PDE3A: variants seen among roughly 807,000 people sequenced by gnomAD.
PDE3A encodes the protein phosphodiesterase 3A.
Under a neutral mutation model 98.3 loss-of-function variants are expected in PDE3A, and 43 were observed. That is an observed-to-expected ratio of 0.44 (90% CI 0.34 to 0.56). The LOEUF is 0.56. Among genes scored for constraint, PDE3A ranks in the 20% least tolerant of loss-of-function variants. PDE3A has a pLI of 0.01. For missense variants in PDE3A, 1,427 were observed against 1,440.7 expected (o/e 0.99, Z 0.15); for synonymous variants, 663 against 567.9 (o/e 1.17, Z -2.38).
intron 2 of PDE3A, among the ~76,000 whole-genome samples, chr12:20,589,768 C>A (rs7975835): frequency 0.13 from 20,077 of 150,310 alleles, 1,498 homozygotes; most frequent in East Asian, 0.29. Context: ...ACTCGGGAGG[C>A]TGAGGCAGGA....
At position 20,382,842 on chromosome 12, in the gene PDE3A, A is replaced by T. The variant is rs546378534; in HGVS notation, c.960+12598A>T. Among the ~76,000 whole-genome samples the T allele has an allele frequency of 2.0e-5, 3 of 152,182 alleles. No homozygotes were observed. In the South Asian group the frequency reaches 6.2e-4, roughly 31 times the overall value. ...TATTCTTGCCCATTAGGGCCAGGTCATTGAAGGTTATAATCTAAATTTCAG... is the reference window on the plus strand; with the variant it reads ...TATTCTTGCCCATTAGGGCCAGGTCTTTGAAGGTTATAATCTAAATTTCAG... On this transcript the variant is annotated intron_variant, in intron 1 of 15. Transcript: ENST00000359062.
intron 15 of PDE3A, among the ~76,000 whole-genome samples, chr12:20,678,784 G>C (rs1247134368): frequency 6.6e-6 from 1 of 152,150 alleles, no homozygotes; most frequent in Middle Eastern, 3.2e-3. Context: ...GAGGACTCAG[G>C]CCCGACTTGG....
At chr12:20,448,320 A>G (rs1408965132) in intron 1 of PDE3A, among the ~76,000 whole-genome samples, 1 of 152,140 alleles carries the variant, frequency 6.6e-6, no homozygotes, top group Non-Finnish European at 1.5e-5. Flanking sequence ...GGGCACCTGT[A>G]ATTCCAGCTA....
chr12:20,467,460 A>G (rs1256595634), intron 1 of PDE3A, among the ~76,000 whole-genome samples: 4 of 152,060 alleles, frequency 2.6e-5, no homozygotes, highest in African/African-American at 9.7e-5. Flanking sequence ...ATAAAAATGT[A>G]TTTATTATGC....
chr12:20,510,075 G>T (rs1022744581), intron 1 of PDE3A, among the ~76,000 whole-genome samples: 1 of 151,746 alleles, frequency 6.6e-6, no homozygotes, highest in Non-Finnish European at 1.5e-5. Context: ...TCATTTTATG[G>T]TAGACATTAT....
At chr12:20,477,707 G>C (rs143390932) in intron 1 of PDE3A, among the ~76,000 whole-genome samples, 1 of 152,102 alleles carries the variant, frequency 6.6e-6, no homozygotes, top group Admixed American at 6.6e-5. Context: ...TGTATAAGAC[G>C]AAGAAAACTA....
At chr12:20,551,548 A>G (rs1316697864) in intron 1 of PDE3A, 1 of 1,381,472 alleles carries the variant, frequency 7.2e-7, no homozygotes, top group East Asian at 2.5e-5. Flanking sequence ...TGGCATGCTA[A>G]CTAGTTACGC....
At chr12:20,549,410 A>C (rs1942139653) in intron 1 of PDE3A, among the ~76,000 whole-genome samples, 1 of 151,724 alleles carries the variant, frequency 6.6e-6, no homozygotes, top group African/African-American at 2.4e-5. Context: ...TAAAAAAAAA[A>C]AAAAGAAAAT....
At chr12:20,633,947 G>A (rs762699185) in intron 7 of PDE3A, among the ~76,000 whole-genome samples, 169 bp downstream of exon 7, 24 of 152,104 alleles carry the variant, frequency 1.6e-4, no homozygotes, top group Admixed American at 2.6e-4. Flanking sequence ...TGATCCTCCC[G>A]CCTCAGCCTC....
At chr12:20,604,879 A>C (rs10770675) in intron 2 of PDE3A, among the ~76,000 whole-genome samples, 97,573 of 151,956 alleles carry the variant, frequency 0.64, 32,470 homozygotes, top group South Asian at 0.73. Context: ...CCCATATTTC[A>C]TATTTCATTG....
Position 20,625,095 on chromosome 12 carries a change from G to A in PDE3A, c.1540+3684G>A, listed in dbSNP as rs563119800. On this transcript the variant is annotated intron_variant, in intron 5 of 15. Transcript: ENST00000359062. Reference sequence around the variant, plus strand: ...AGGGCTAATGAAATCTGTTCTTTGCGCAAATCAAGTAAACAGCGTGTCCTC... The same window carrying A: ...AGGGCTAATGAAATCTGTTCTTTGCACAAATCAAGTAAACAGCGTGTCCTC... 3.9e-5 allele frequency among the ~76,000 whole-genome samples: 6 copies of A among 152,218 alleles called. No individual in the cohort carries two copies. The South Asian group carries it at 1.2e-3, about 32-fold the overall frequency.
chr12:20,476,238 G>A (rs1027829281), intron 1 of PDE3A, among the ~76,000 whole-genome samples: 3 of 152,126 alleles, frequency 2.0e-5, no homozygotes, highest in Admixed American at 6.5e-5. Context: ...CTAATGTTAC[G>A]AAGTTATTGA....
At chr12:20,572,506 A>G (rs760598470) in intron 2 of PDE3A, among the ~76,000 whole-genome samples, 76 of 152,220 alleles carry the variant, frequency 5.0e-4, no homozygotes, top group Non-Finnish European at 4.3e-4. Context: ...GTAAAATACT[A>G]AAGTATCATG....
Position 20,369,451 on chromosome 12 carries a change from G to A in PDE3A, c.167G>A (p.Arg56Gln). The A allele has an allele frequency of 1.9e-6, 3 of 1,555,534 alleles. No individual in the cohort carries two copies. The highest frequency in any genetic ancestry group is 4.8e-5 in the East Asian group (2 of 41,292). ...CWGDLVLQPL[R>Q]SSRKLSSALC... ...GGAGACCTGGTGCTGCAGCCGCTCC[G>A]GAGCTCTCGGAAACTTTCCTCCGCG... Residue 56 changes from arginine to glutamine, a missense_variant, in exon 1 of 16, where the codon CGG becomes CAG. Physicochemically the swap from Arg to Gln is conservative, Grantham distance 43. Coordinates refer to ENST00000359062, the MANE Select transcript of PDE3A (RefSeq NM_000921.5).
intron 13 of PDE3A, 138 bp from the exon 14 acceptor site, chr12:20,650,307 G>T: frequency 2.3e-6 from 1 of 439,568 alleles, no homozygotes. Context: ...ACATTTTTAA[G>T]TAGCTAGAGG....
At chr12:20,407,399 C>G (rs1944252022) in intron 1 of PDE3A, among the ~76,000 whole-genome samples, 1 of 152,140 alleles carries the variant, frequency 6.6e-6, no homozygotes, top group African/African-American at 2.4e-5. Flanking sequence ...TGAATAAATT[C>G]TAATTGAATG....
At chr12:20,465,919 C>T (rs1460255397) in intron 1 of PDE3A, among the ~76,000 whole-genome samples, 1 of 152,154 alleles carries the variant, frequency 6.6e-6, no homozygotes. Flanking sequence ...AAATATTACT[C>T]ATCTTAGATC....
chr12:20,595,478 T>A (rs1301289406), intron 2 of PDE3A, among the ~76,000 whole-genome samples: 1 of 152,188 alleles, frequency 6.6e-6, no homozygotes, highest in Non-Finnish European at 1.5e-5. Flanking sequence ...CAAATGTCTT[T>A]GGACCTATTT....
At chr12:20,400,175 A>AT (rs1160460377) in intron 1 of PDE3A, among the ~76,000 whole-genome samples, 1 of 151,928 alleles carries the variant, frequency 6.6e-6, no homozygotes, top group Admixed American at 6.6e-5. Context: ...CTAGTAGTCT[A>AT]TTTTTGTGTT....
Sources: gnomAD v4.1 joint callset for allele counts (sites outside exome capture counted in the v4.1 genomes callset) on GRCh38, gnomAD v4.1.1 for gene constraint, MANE v1.5 for transcripts, NCBI Gene and HGNC (gene_info 2026-07-23, HGNC 2026-07-21) for gene names.